Variants in LRP1B observed in about 807,000 individuals in gnomAD.
The protein encoded by LRP1B is low-density lipoprotein receptor-related protein 1B.
A neutral mutation model predicts 556.6 loss-of-function variants in LRP1B; 217 were observed. The observed-to-expected ratio is 0.39, with a 90% CI of 0.35 to 0.44. LRP1B has a LOEUF of 0.44. Among genes scored for constraint, LRP1B ranks in the 20% least tolerant of loss-of-function variants. The pLI is 1.00. For synonymous variants in LRP1B, 2,047 were observed against 1,865.8 expected, an observed-to-expected ratio of 1.10 and a Z score of -2.50; for missense variants, 5,053 against 5,620.8, an observed-to-expected ratio of 0.90 and a Z score of 3.23.
At chr2:140,920,429 C>G (rs1694705295) in intron 21 of LRP1B, among the ~76,000 whole-genome samples, 1 of 151,972 alleles carries the variant, frequency 6.6e-6, no homozygotes, top group African/African-American at 2.4e-5. Flanking sequence ...TAGCCTGAAA[C>G]TTTTCAATGT....
chr2:141,600,457 A>G (rs1366213976), intron 2 of LRP1B, among the ~76,000 whole-genome samples: 1 of 152,192 alleles, frequency 6.6e-6, no homozygotes, highest in African/African-American at 2.4e-5. Context: ...TGGTGGTAGA[A>G]CTGGGAAGAG....
chr2:141,759,310 C>T (rs1239112170), intron 2 of LRP1B, among the ~76,000 whole-genome samples: 1 of 152,068 alleles, frequency 6.6e-6, no homozygotes, highest in East Asian at 1.9e-4. Flanking sequence ...GATAGAAGGG[C>T]AACATTTATT....
At chr2:141,875,924 T>C (rs1388944202) in intron 1 of LRP1B, among the ~76,000 whole-genome samples, 1 of 152,026 alleles carries the variant, frequency 6.6e-6, no homozygotes, top group Admixed American at 6.6e-5. Context: ...ATTCATGAAA[T>C]TAATTCTAAA....
intron 2 of LRP1B, among the ~76,000 whole-genome samples, chr2:141,587,167 C>T (rs1384236781): frequency 6.6e-6 from 1 of 151,966 alleles, no homozygotes; most frequent in Non-Finnish European, 1.5e-5. Context: ...AAGAAAATAC[C>T]TGATTATTTT....
chr2:141,360,675 G>A lies in LRP1B; in HGVS notation c.344-106034C>T, dbSNP rs574242900. The stretch of plus-strand genomic sequence containing the variant: ...AGCTGAGGCTGGGGCAGGAAGGAAA[G>A]CATCAGAATGGTGCTTAAACAAGGA... On this transcript the variant is annotated intron_variant, in intron 3 of 90. Coordinates refer to ENST00000389484, the MANE Select transcript of LRP1B (RefSeq NM_018557.3). Among the ~76,000 whole-genome samples the A allele has an allele frequency of 1.5e-4, 23 of 152,322 alleles. No individual in the cohort carries two copies. In the South Asian group the frequency reaches 4.8e-3, roughly 32 times the overall value.
chr2:141,765,777 G>A (rs1450644871), intron 2 of LRP1B, among the ~76,000 whole-genome samples: 2 of 152,150 alleles, frequency 1.3e-5, no homozygotes, highest in Non-Finnish European at 2.9e-5. Context: ...ATTTATAACT[G>A]ATGATTCCTT....
At chr2:141,476,862 A>G (rs6429895) in intron 3 of LRP1B, among the ~76,000 whole-genome samples, 136,630 of 152,082 alleles carry the variant, frequency 0.9, 62,160 homozygotes, top group East Asian at 1. Context: ...GGTGGCTCAC[A>G]CCTGTAATTC....
At chr2:140,838,865 AT>A (rs1161697156) in intron 31 of LRP1B, among the ~76,000 whole-genome samples, 6 of 152,328 alleles carry the variant, frequency 3.9e-5, no homozygotes, top group African/African-American at 1.4e-4. Flanking sequence ...AAACAGTATT[AT>A]AATATAGACA....
chr2:141,596,831 A>G (rs1277276095), intron 2 of LRP1B, among the ~76,000 whole-genome samples: 1 of 152,072 alleles, frequency 6.6e-6, no homozygotes, highest in South Asian at 2.1e-4. Flanking sequence ...GCCATATGCC[A>G]TTAAGAAATA....
intron 11 of LRP1B, among the ~76,000 whole-genome samples, chr2:141,032,185 G>A (rs1195510151): frequency 2.6e-5 from 4 of 151,970 alleles, no homozygotes; most frequent in Admixed American, 6.6e-5. Flanking sequence ...GTCTATTTAT[G>A]GGTTTTGTTG....
intron 2 of LRP1B, among the ~76,000 whole-genome samples, chr2:141,482,999 C>T (rs887725896): frequency 2.6e-5 from 4 of 151,842 alleles, no homozygotes; most frequent in African/African-American, 7.3e-5. Flanking sequence ...TTTTAGGGTA[C>T]GTGTGCACAA....
intron 27 of LRP1B, among the ~76,000 whole-genome samples, chr2:140,860,923 G>A (rs188894161): frequency 2.6e-5 from 4 of 152,244 alleles, no homozygotes; most frequent in Admixed American, 2.0e-4. Flanking sequence ...CCCTTACAGG[G>A]TGGGGGAGGA....
intron 7 of LRP1B, among the ~76,000 whole-genome samples, chr2:141,087,090 G>A (rs1301241570): frequency 6.6e-6 from 1 of 152,178 alleles, no homozygotes; most frequent in Non-Finnish European, 1.5e-5. Flanking sequence ...CAGAGAAATA[G>A]AATGTGGACT....
At chr2:140,447,192 C>A (rs1026987901) in intron 63 of LRP1B, among the ~76,000 whole-genome samples, 7 of 151,950 alleles carry the variant, frequency 4.6e-5, no homozygotes, top group African/African-American at 1.7e-4. Context: ...GAAAAGAAAA[C>A]TCTTGTATTT....
chr2:140,531,410 C>A (rs753083857), intron 47 of LRP1B, among the ~76,000 whole-genome samples: 1 of 152,072 alleles, frequency 6.6e-6, no homozygotes, highest in Admixed American at 6.6e-5. Flanking sequence ...TTTTTAAAAT[C>A]TTTTATGGGT....
chr2:140,777,878 A>G (rs1295580251), intron 32 of LRP1B, among the ~76,000 whole-genome samples: 1 of 151,738 alleles, frequency 6.6e-6, no homozygotes, highest in Non-Finnish European at 1.5e-5. Context: ...CTTCCATAAT[A>G]TAGAGAAAAA....
chr2:140,914,489 G>A (rs1480344315), intron 21 of LRP1B, among the ~76,000 whole-genome samples: 3 of 151,986 alleles, frequency 2.0e-5, no homozygotes, highest in Non-Finnish European at 2.9e-5. Context: ...GCAATGCATC[G>A]GGAAAAAATG....
chr2:141,136,136 G>T (rs1388418790), intron 7 of LRP1B, among the ~76,000 whole-genome samples: 3 of 151,738 alleles, frequency 2.0e-5, no homozygotes, highest in Non-Finnish European at 4.4e-5. Flanking sequence ...AAGGACATAG[G>T]CTATATATTT....
At chr2:142,073,201 G>A (rs1234964924) in intron 1 of LRP1B, among the ~76,000 whole-genome samples, 1 of 151,950 alleles carries the variant, frequency 6.6e-6, no homozygotes, top group Non-Finnish European at 1.5e-5. Flanking sequence ...GAGTATTAAA[G>A]AGCATCAGCC....
Sources: allele counts gnomAD v4.1 joint callset (sites outside exome capture counted in the v4.1 genomes callset), GRCh38; gene constraint gnomAD v4.1.1; transcripts MANE v1.5; gene names NCBI Gene and HGNC (gene_info 2026-07-23, HGNC 2026-07-21).